The following ZC4H2 variants were observed in gnomAD, a reference collection of about 807,000 sequenced individuals.
ZC4H2 encodes the protein zinc finger C4H2 domain-containing protein.
For synonymous variants in ZC4H2, 84 were observed against 66.3 expected (o/e 1.27, Z -1.30); for missense variants, 137 against 173.9 (o/e 0.79, Z 1.19).
At chrX:64,942,664 TTC>T (rs781080895) in intron 1 of ZC4H2, among the ~76,000 whole-genome samples, 1 of 111,751 alleles carries the variant, frequency 8.9e-6, no homozygotes, top group African/African-American at 3.3e-5. Flanking sequence ...CATGAACTCC[TTC>T]TTTTTTCTGG....
At chrX:64,998,718 T>C (rs1395469244) in intron 1 of ZC4H2, among the ~76,000 whole-genome samples, 6 of 111,630 alleles carry the variant, frequency 5.4e-5, no homozygotes, top group Non-Finnish European at 9.4e-5. Context: ...AAGTCTCCAA[T>C]TATTTTTATA....
At chrX:64,988,674 C>T (rs1452102182) in intron 1 of ZC4H2, among the ~76,000 whole-genome samples, 2 of 110,062 alleles carry the variant, frequency 1.8e-5, no homozygotes, top group South Asian at 3.8e-4. Flanking sequence ...CTGTAGGTTG[C>T]CTGTTCACTC....
intron 1 of ZC4H2, among the ~76,000 whole-genome samples, chrX:65,000,905 G>A (rs2147279124): frequency 9.0e-6 from 1 of 111,384 alleles, no homozygotes; most frequent in South Asian, 3.8e-4. Flanking sequence ...GAAAAGGAAT[G>A]AATAAAGCCT....
chrX:64,961,628 A>G (rs1046358878), intron 1 of ZC4H2, among the ~76,000 whole-genome samples: 6 of 106,139 alleles, frequency 5.7e-5, no homozygotes, highest in African/African-American at 2.0e-4. Flanking sequence ...TTTTAATGCA[A>G]CTAAGAGGGT....
intron 1 of ZC4H2, among the ~76,000 whole-genome samples, chrX:64,931,493 A>T (rs1929743157): frequency 9.0e-6 from 1 of 111,550 alleles, no homozygotes; most frequent in Admixed American, 9.6e-5. Context: ...ATTTAACACC[A>T]TGAACTTTTG....
chrX:64,976,474 C>T, upstream of ZC4H2: 1 of 967,137 alleles, frequency 1.0e-6, no homozygotes, highest in Non-Finnish European at 1.5e-6. Flanking sequence ...GGGCTTGGGG[C>T]TATGAGCCTG....
chrX:64,989,793 C>T (rs1379523469), intron 1 of ZC4H2, among the ~76,000 whole-genome samples: 1 of 111,824 alleles, frequency 8.9e-6, no homozygotes, highest in Non-Finnish European at 1.9e-5. Flanking sequence ...CGTCATTAGC[C>T]ATTTGGGAAA....
intron 1 of ZC4H2, among the ~76,000 whole-genome samples, chrX:64,950,345 C>G (rs751427205): frequency 9.0e-6 from 1 of 111,609 alleles, no homozygotes; most frequent in East Asian, 2.8e-4. Flanking sequence ...GTGGAGAATT[C>G]TGTAGATGTC....
chrX:65,008,209 A>G (rs184083913), intron 1 of ZC4H2, among the ~76,000 whole-genome samples: 379 of 112,387 alleles, frequency 3.4e-3, no homozygotes, highest in Non-Finnish European at 6.0e-3. Context: ...GATACAAAAA[A>G]AAAGTTCAAC....
intron 2 of ZC4H2, among the ~76,000 whole-genome samples, chrX:64,921,325 G>T (rs1300839720): frequency 9.0e-6 from 1 of 111,698 alleles, no homozygotes; most frequent in African/African-American, 3.3e-5. Flanking sequence ...TCCAAAGAGG[G>T]GAGCTTACCA....
chrX:64,923,894 T>C (rs1332299606), intron 1 of ZC4H2, among the ~76,000 whole-genome samples: 1 of 110,750 alleles, frequency 9.0e-6, no homozygotes, highest in South Asian at 3.8e-4. Flanking sequence ...TTGAACAGGG[T>C]TACCAGGCTG....
intron 1 of ZC4H2, among the ~76,000 whole-genome samples, chrX:64,974,410 G>T (rs965622810): frequency 3.6e-5 from 4 of 111,987 alleles, no homozygotes; most frequent in African/African-American, 1.3e-4. Flanking sequence ...TTCTAACATG[G>T]GTGTTATCTC....
intron 1 of ZC4H2, among the ~76,000 whole-genome samples, chrX:65,007,902 C>G (rs1444601675): frequency 1.8e-5 from 2 of 111,599 alleles, no homozygotes; most frequent in African/African-American, 6.5e-5. Flanking sequence ...TTGGTTTGGG[C>G]AAGCTTTTCT....
chrX:64,961,048 T>A (rs868209860), intron 1 of ZC4H2, among the ~76,000 whole-genome samples: 1 of 111,514 alleles, frequency 9.0e-6, no homozygotes, highest in Non-Finnish European at 1.9e-5. Context: ...AAGTGGGGTA[T>A]TGAAGTCTCT....
chrX:65,013,290 T>C (rs1932775943), intron 1 of ZC4H2, among the ~76,000 whole-genome samples: 1 of 111,437 alleles, frequency 9.0e-6, no homozygotes, highest in Admixed American at 9.5e-5. Flanking sequence ...AGTGTGGAAG[T>C]ATTCATGTAA....
Position 64,920,038 on chromosome X carries a change from C to T in ZC4H2, c.398+43G>A, listed in dbSNP as rs781094924. The T allele has an allele frequency of 2.5e-6, 3 of 1,178,850 alleles. No homozygotes were observed. In the Admixed American group the frequency reaches 6.8e-5, roughly 27 times the overall value. ...TAGGTATGTAAGTATGTATGTGGGT[C>T]GGAGGGAGGGTATGTTGTAGGGACT... On this transcript the variant is annotated intron_variant, in intron 3 of 4. Transcript: ENST00000374839.
At chrX:64,941,492 C>A (rs1930278417) in intron 1 of ZC4H2, among the ~76,000 whole-genome samples, 1 of 111,872 alleles carries the variant, frequency 8.9e-6, no homozygotes, top group African/African-American at 3.2e-5. Flanking sequence ...GGAATGCTTC[C>A]AGCTTTTGCC....
chrX:64,964,143 G>C (rs1439474903), intron 1 of ZC4H2, among the ~76,000 whole-genome samples: 1 of 110,881 alleles, frequency 9.0e-6, no homozygotes, highest in Non-Finnish European at 1.9e-5. Context: ...TAACAATACT[G>C]TATTATAAAT....
rs763103526 is a variant in ZC4H2 at position 64,919,219 on chromosome X, G to A, written c.399-15C>T. 19 of 1,208,127 alleles carry A rather than the reference G, an allele frequency of 1.6e-5. No individual in the cohort carries two copies. Among genetic ancestry groups the A allele is most frequent in the Admixed American group, 4.4e-5 (2 of 45,704 alleles). On this transcript the variant is annotated splice_polypyrimidine_tract_variant and intron_variant, in intron 3 of 4. Coordinates refer to ENST00000374839, the MANE Select transcript of ZC4H2 (RefSeq NM_018684.4). ...TCTCAAAGTAACTTTGGAGATGAGA[G>A]ACACTGGCTAGATCATTCTGAAAGC...
Sources: gnomAD v4.1 joint callset for allele counts (sites outside exome capture counted in the v4.1 genomes callset) on GRCh38, gnomAD v4.1.1 for gene constraint, MANE v1.5 for transcripts, NCBI Gene and HGNC (gene_info 2026-07-23, HGNC 2026-07-21) for gene names.